Variants in IMMP2L observed in about 807,000 individuals in gnomAD.
IMMP2L encodes mitochondrial inner membrane protease subunit 2.
In IMMP2L, 18 loss-of-function variants were observed where a neutral mutation model predicts 19.3. That is an observed-to-expected ratio of 0.93 (90% CI 0.64 to 1.38). IMMP2L has a LOEUF of 1.38. IMMP2L is among the 40% of genes most tolerant of loss of function. The pLI, the probability that IMMP2L is intolerant of heterozygous loss-of-function variation, is 0.00. For synonymous variants in IMMP2L, 76 were observed against 73.0 expected (o/e 1.04, Z -0.21); for missense variants, 233 against 218.2 (o/e 1.07, Z -0.43).
At chr7:110,844,184 T>G (rs551775392) in intron 5 of IMMP2L, among the ~76,000 whole-genome samples, 1 of 152,318 alleles carries the variant, frequency 6.6e-6, no homozygotes, top group East Asian at 1.9e-4. Flanking sequence ...ATCTATTATT[T>G]GCCAGTTCCA....
At chr7:110,916,453 T>G (rs1445386217) in intron 4 of IMMP2L, among the ~76,000 whole-genome samples, 1 of 152,380 alleles carries the variant, frequency 6.6e-6, no homozygotes, top group Admixed American at 6.5e-5. Flanking sequence ...TCTACTATTA[T>G]ATAAAAGTGG....
chr7:111,439,340 T>C (rs1406891981), intron 3 of IMMP2L, among the ~76,000 whole-genome samples: 8 of 151,752 alleles, frequency 5.3e-5, no homozygotes, highest in Non-Finnish European at 7.4e-5. Flanking sequence ...ATTCTAGTCC[T>C]GAAGATCTAG....
chr7:111,416,567 A>G (rs1039839413), intron 3 of IMMP2L, among the ~76,000 whole-genome samples: 1 of 151,834 alleles, frequency 6.6e-6, no homozygotes, highest in Non-Finnish European at 1.5e-5. Flanking sequence ...GAGAAAAATA[A>G]AAGTACTTCA....
At chr7:111,201,878 T>A (rs369292465) in intron 3 of IMMP2L, among the ~76,000 whole-genome samples, 1 of 152,180 alleles carries the variant, frequency 6.6e-6, no homozygotes, top group Non-Finnish European at 1.5e-5. Flanking sequence ...ACACTGGCTA[T>A]GTGGAATAAG....
At chr7:111,558,310 C>T (rs113565602) in intron 1 of IMMP2L, among the ~76,000 whole-genome samples, 6,980 of 152,272 alleles carry the variant, frequency 0.046, 251 homozygotes, top group South Asian at 0.081. Context: ...GGGTAGTTCC[C>T]CTCCAATGGA....
chr7:111,041,487 T>C (rs1791891937), intron 3 of IMMP2L, among the ~76,000 whole-genome samples: 1 of 151,886 alleles, frequency 6.6e-6, no homozygotes, highest in Admixed American at 6.6e-5. Context: ...GTTTGCATTC[T>C]TTTAACCACT....
chr7:110,828,270 C>T (rs557862068), intron 5 of IMMP2L, among the ~76,000 whole-genome samples: 9 of 152,272 alleles, frequency 5.9e-5, no homozygotes, highest in African/African-American at 1.4e-4. Context: ...GGCCCAGATA[C>T]GGCCCACGGG....
At chr7:111,182,604 C>T (rs1807829678) in intron 3 of IMMP2L, among the ~76,000 whole-genome samples, 1 of 151,266 alleles carries the variant, frequency 6.6e-6, no homozygotes, top group South Asian at 2.1e-4. Flanking sequence ...AAAGTACCCA[C>T]CGAAATTTTT....
chr7:111,332,842 A>G (rs1473663507), intron 3 of IMMP2L, among the ~76,000 whole-genome samples: 1 of 152,146 alleles, frequency 6.6e-6, no homozygotes, highest in East Asian at 1.9e-4. Context: ...AAATAAAACT[A>G]GAAATTATTT....
chr7:110,922,636 T>C (rs1401517243), intron 4 of IMMP2L, among the ~76,000 whole-genome samples: 1 of 152,166 alleles, frequency 6.6e-6, no homozygotes, highest in African/African-American at 2.4e-5. Context: ...TCACTTAATC[T>C]ACTGGTTGGG....
chr7:110,805,015 C>T (rs1237864751), intron 5 of IMMP2L, among the ~76,000 whole-genome samples: 1 of 152,068 alleles, frequency 6.6e-6, no homozygotes, highest in African/African-American at 2.4e-5. Context: ...CCAGTGATGT[C>T]CTTCACGATA....
At position 111,021,916 on chromosome 7, in the gene IMMP2L, C is replaced by A. The variant is rs113690548; in HGVS notation, c.240-58351G>T. Among the ~76,000 whole-genome samples, 99 of 152,124 alleles carry A rather than the reference C, an allele frequency of 6.5e-4. 1 individual carries two copies. Among genetic ancestry groups the A allele is most frequent in the African/African-American group, 2.1e-3 (88 of 41,522 alleles). ...CAAACAAACAAACAAACAAAGCATC[C>A]GATCTCCTGAGACAGCAAGGGAAAG... On this transcript the variant is annotated intron_variant, in intron 3 of 5. Transcript: ENST00000405709.
intron 3 of IMMP2L, among the ~76,000 whole-genome samples, chr7:111,173,752 A>C (rs2189325): frequency 0.81 from 122,946 of 151,516 alleles, 52,240 homozygotes; most frequent in East Asian, 0.93. Flanking sequence ...CACTAGGGCT[A>C]ATAACAGTCC....
At chr7:111,277,395 A>G (rs1819195173) in intron 3 of IMMP2L, among the ~76,000 whole-genome samples, 1 of 152,052 alleles carries the variant, frequency 6.6e-6, no homozygotes, top group South Asian at 2.1e-4. Context: ...ACAATGAGAT[A>G]CCATTTTACA....
chr7:111,186,131 T>C (rs1808239222), intron 3 of IMMP2L, among the ~76,000 whole-genome samples: 2 of 152,324 alleles, frequency 1.3e-5, no homozygotes, highest in Non-Finnish European at 2.9e-5. Flanking sequence ...TATTTTATTT[T>C]ATGCATCTAA....
At chr7:111,282,018 C>G (rs1024755554) in intron 3 of IMMP2L, among the ~76,000 whole-genome samples, 4 of 152,008 alleles carry the variant, frequency 2.6e-5, no homozygotes, top group Non-Finnish European at 5.9e-5. Context: ...TTTCAGTATT[C>G]AAAGCTGTGT....
intron 5 of IMMP2L, among the ~76,000 whole-genome samples, chr7:110,810,586 A>G (rs1216502189): frequency 6.6e-6 from 1 of 151,982 alleles, no homozygotes; most frequent in African/African-American, 2.4e-5. Flanking sequence ...AATTTTTTGA[A>G]TCTTTGCCAT....
intron 1 of IMMP2L, among the ~76,000 whole-genome samples, chr7:111,558,799 G>C (rs1041892011): frequency 6.6e-6 from 1 of 152,140 alleles, no homozygotes; most frequent in Admixed American, 6.6e-5. Flanking sequence ...ATTTCCTGGG[G>C]TTCTGATCTG....
intron 3 of IMMP2L, among the ~76,000 whole-genome samples, chr7:111,286,533 G>A (rs985635786): frequency 1.3e-5 from 2 of 152,124 alleles, no homozygotes; most frequent in East Asian, 1.9e-4. Context: ...CAGAATGAAC[G>A]GATTACATAT....
Sources: allele counts gnomAD v4.1 joint callset (sites outside exome capture counted in the v4.1 genomes callset), GRCh38; gene constraint gnomAD v4.1.1; transcripts MANE v1.5; gene names NCBI Gene and HGNC (gene_info 2026-07-23, HGNC 2026-07-21).